DNA2: variants seen among roughly 807,000 people sequenced by gnomAD.
The protein encoded by DNA2 is DNA replication ATP-dependent helicase/nuclease DNA2.
In DNA2, 101 loss-of-function variants were observed where a neutral mutation model predicts 119.1. The observed-to-expected ratio is 0.85, with a 90% CI of 0.72 to 1.00. The LOEUF is 1.00. Among genes scored for constraint, DNA2 ranks in the 50% least tolerant of loss-of-function variants. DNA2 has a pLI of 0.00. For missense variants in DNA2, 1,121 were observed against 1,255.5 expected, an observed-to-expected ratio of 0.89 and a Z score of 1.62; for synonymous variants, 366 against 424.4, an observed-to-expected ratio of 0.86 and a Z score of 1.69.
intron 4 of DNA2, among the ~76,000 whole-genome samples, chr10:68,462,343 CCTGGG>C (rs1443455796): frequency 1.3e-5 from 2 of 152,120 alleles, no homozygotes; most frequent in African/African-American, 4.8e-5. Context: ...TGCAATCCAG[CCTGGG>C]TGACAGAGCA....
At position 68,422,778 on chromosome 10, in the gene DNA2, C is replaced by G; in HGVS notation, c.2321G>C (p.Gly774Ala). 3 of 1,610,542 alleles carry G rather than the reference C, an allele frequency of 1.9e-6. No individual in the cohort carries two copies. The highest frequency in any genetic ancestry group is 2.5e-6 in the Non-Finnish European group (3 of 1,179,194). The change falls in exon 15 of 21, where the codon GGC becomes GCC. Residue 774 changes from glycine (G) to alanine (A), a missense_variant. Physicochemically the swap from Gly to Ala is moderately conservative, Grantham distance 60. Coordinates refer to ENST00000358410, the MANE Select transcript of DNA2 (RefSeq NM_001080449.3). ...ASQISQPICLGPLFFSRRFVL... is the reference protein window; with the variant it reads ...ASQISQPICLAPLFFSRRFVL... The stretch of plus-strand genomic sequence containing the variant: ...AAATCTCCGTGAAAAAAAAAGGGGG[C>G]CCAGACAAATTGGTTGGCTAATTTG...
intron 5 of DNA2, among the ~76,000 whole-genome samples, chr10:68,452,644 T>C (rs1193378361): frequency 6.6e-6 from 1 of 151,724 alleles, no homozygotes; most frequent in African/African-American, 2.4e-5. Flanking sequence ...CGAACACAGT[T>C]TACTGCAGCT....
chr10:68,419,375 TC>T, intron 18 of DNA2, 162 bp from the exon 19 acceptor site: 1 of 596,306 alleles, frequency 1.7e-6, no homozygotes, highest in Non-Finnish European at 2.8e-6. Flanking sequence ...TCTAAATCTG[TC>T]CATATTTCCC....
chr10:68,458,538 A>G (rs1413142561), intron 5 of DNA2, among the ~76,000 whole-genome samples: 2 of 151,356 alleles, frequency 1.3e-5, no homozygotes, highest in Non-Finnish European at 2.9e-5. Flanking sequence ...TGTATCAAAA[A>G]AGAAAAAAAA....
At chr10:68,460,030 T>TACACACAC (rs150226727) in intron 4 of DNA2, among the ~76,000 whole-genome samples, 12,371 of 145,482 alleles carry the variant, frequency 0.085, 571 homozygotes, top group East Asian at 0.2. Context: ...CCATCACAAA[T>TACACACAC]ACACACACAC....
chr10:68,424,310 C>G (rs1006250616), intron 14 of DNA2, among the ~76,000 whole-genome samples: 1 of 152,088 alleles, frequency 6.6e-6, no homozygotes, highest in Non-Finnish European at 1.5e-5. Flanking sequence ...TTGAGACCAG[C>G]CCGAGCAACA....
chr10:68,430,699 C>G (rs1177377470), intron 13 of DNA2, 39 bp from the exon 14 acceptor site: 3 of 1,354,126 alleles, frequency 2.2e-6, no homozygotes, highest in Non-Finnish European at 3.0e-6. Context: ...AACAGCCTTA[C>G]TTTTAATTCC....
At chr10:68,456,765 T>G (rs1554908735) in intron 5 of DNA2, among the ~76,000 whole-genome samples, 1 of 150,622 alleles carries the variant, frequency 6.6e-6, no homozygotes, top group Non-Finnish European at 1.5e-5. Flanking sequence ...TTGAAAATAT[T>G]GAGAGAACAT....
At chr10:68,438,943 G>T (rs763448563) in intron 9 of DNA2, among the ~76,000 whole-genome samples, 4 of 145,622 alleles carry the variant, frequency 2.7e-5, no homozygotes, top group African/African-American at 5.1e-5. Context: ...TGAGGCAGGA[G>T]AATCACTTGA....
chr10:68,423,491 G>A (rs570409792), intron 14 of DNA2, among the ~76,000 whole-genome samples: 1 of 152,134 alleles, frequency 6.6e-6, no homozygotes, highest in South Asian at 2.1e-4. Context: ...CCAGCTGAAG[G>A]AACAGGAAAA....
At chr10:68,447,995 A>AT (rs924096206) in intron 6 of DNA2, among the ~76,000 whole-genome samples, 4 of 151,404 alleles carry the variant, frequency 2.6e-5, no homozygotes, top group African/African-American at 9.7e-5. Context: ...AAAAAAAAAA[A>AT]ATTTAATTTA....
chr10:68,417,267 G>GT lies in DNA2; in HGVS notation c.2968-413dup, dbSNP rs369660845. Among the ~76,000 whole-genome samples, 295 of 151,662 alleles carry GT rather than the reference G, an allele frequency of 1.9e-3. 1 individual carries two copies. Among genetic ancestry groups the GT allele is most frequent in the African/African-American group, 6.7e-3 (275 of 41,350 alleles). On this transcript the variant is annotated intron_variant, in intron 19 of 20. Coordinates refer to ENST00000358410, the MANE Select transcript of DNA2 (RefSeq NM_001080449.3). ...AAAAAAAAAAAGGAGACTATCTGAG[G>GT]TAAGAACTGAGTAGATGAGGGATGG...
intron 17 of DNA2, among the ~76,000 whole-genome samples, chr10:68,421,086 A>ACCCG (rs2051659075): frequency 6.6e-6 from 1 of 151,824 alleles, no homozygotes; most frequent in Admixed American, 6.6e-5. Context: ...CTACAGGCGC[A>ACCCG]CCACCACACC....
rs1320011049 is a variant in DNA2 at position 68,430,620 on chromosome 10, G to T, written c.2024C>A (p.Thr675Asn). 3 of 1,604,844 alleles carry T rather than the reference G, an allele frequency of 1.9e-6. No homozygotes were observed. The South Asian group carries it at 3.4e-5, about 18-fold the overall frequency. Residue 675 changes from threonine to asparagine, a missense_variant, in exon 14 of 21, where the codon ACC (threonine) becomes AAC (asparagine). Coordinates refer to ENST00000358410, the MANE Select transcript of DNA2 (RefSeq NM_001080449.3). ...LYACGFSVLL[T>N]SYTHSAVDNI... ...GTCAACAGCAGAGTGTGTATAGCTG[G>T]TCAACAAAACGCTAAAACCACAGGC...
chr10:68,457,272 G>A (rs2052197454), intron 5 of DNA2, among the ~76,000 whole-genome samples: 1 of 152,112 alleles, frequency 6.6e-6, no homozygotes, highest in African/African-American at 2.4e-5. Context: ...CTTTGCTCTA[G>A]CCATCACACT....
intron 10 of DNA2, among the ~76,000 whole-genome samples, chr10:68,433,853 T>C (rs2051852963): frequency 6.6e-6 from 1 of 152,254 alleles, no homozygotes; most frequent in African/African-American, 2.4e-5. Context: ...TTATCCTGAA[T>C]GCTCCATGTC....
chr10:68,472,145 CTG>C, upstream of DNA2: 1 of 1,383,594 alleles, frequency 7.2e-7, no homozygotes. Flanking sequence ...CTAAACGCTC[CTG>C]CCTTCTCTCT....
At chr10:68,435,045 G>T (rs2051869648) in intron 10 of DNA2, among the ~76,000 whole-genome samples, 1 of 151,414 alleles carries the variant, frequency 6.6e-6, no homozygotes, top group Admixed American at 6.6e-5. Flanking sequence ...ATTGGTCTCT[G>T]CCACAATTTT....
chr10:68,451,718 A>T (rs1276352370), intron 5 of DNA2, among the ~76,000 whole-genome samples: 1 of 151,788 alleles, frequency 6.6e-6, no homozygotes, highest in South Asian at 2.1e-4. Context: ...TCATATTATT[A>T]TGGTCAACCC....
Sources: allele counts gnomAD v4.1 joint callset (sites outside exome capture counted in the v4.1 genomes callset), GRCh38; gene constraint gnomAD v4.1.1; transcripts MANE v1.5; gene names NCBI Gene and HGNC (gene_info 2026-07-23, HGNC 2026-07-21).